Variants in PLEKHM3 observed in about 807,000 individuals in gnomAD.
PLEKHM3 encodes pleckstrin homology domain containing M3.
PLEKHM3 carries 45 observed loss-of-function variants against 81.8 expected under a neutral mutation model. The observed-to-expected ratio is 0.55, with a 90% CI of 0.43 to 0.71. The LOEUF (loss-of-function observed/expected upper bound fraction) is 0.71, where lower values mean the gene tolerates loss of function less well. Ranked by LOEUF, PLEKHM3 falls within the 30% of genes least tolerant of loss-of-function variation. The pLI, the probability that PLEKHM3 is intolerant of heterozygous loss-of-function variation, is 0.00. For synonymous variants in PLEKHM3, 352 were observed against 356.4 expected (o/e 0.99, Z 0.14); for missense variants, 788 against 924.3 (o/e 0.85, Z 1.91).
chr2:207,876,801 C>T (rs1323086048), intron 6 of PLEKHM3, among the ~76,000 whole-genome samples: 1 of 152,226 alleles, frequency 6.6e-6, no homozygotes, highest in African/African-American at 2.4e-5. Flanking sequence ...AGATTCAGGT[C>T]TGCTCCGCCA....
intron 7 of PLEKHM3, among the ~76,000 whole-genome samples, chr2:207,856,333 C>T (rs1336993871): frequency 3.3e-5 from 5 of 151,992 alleles, no homozygotes; most frequent in Non-Finnish European, 5.9e-5. Context: ...AACTAAAGTC[C>T]TCCATTTGAG....
chr2:207,848,810 T>A (rs942515744), intron 7 of PLEKHM3, among the ~76,000 whole-genome samples: 4 of 152,214 alleles, frequency 2.6e-5, no homozygotes, highest in Non-Finnish European at 4.4e-5. Context: ...GGGAGGAGTC[T>A]CCATGTTCTT....
intron 1 of PLEKHM3, among the ~76,000 whole-genome samples, chr2:208,020,182 A>C (rs1240331897): frequency 1.3e-5 from 2 of 152,250 alleles, no homozygotes; most frequent in South Asian, 4.1e-4. Context: ...AATGCGAGAC[A>C]GAAGAGCTTT....
chr2:207,847,801 C>T (rs1193772720), intron 7 of PLEKHM3, among the ~76,000 whole-genome samples: 3 of 152,174 alleles, frequency 2.0e-5, no homozygotes, highest in Admixed American at 2.0e-4. Context: ...CTGCAATACT[C>T]ACTGAGTGGC....
intron 5 of PLEKHM3, among the ~76,000 whole-genome samples, chr2:207,909,658 C>A (rs1363671258): frequency 6.6e-6 from 1 of 152,140 alleles, no homozygotes; most frequent in Non-Finnish European, 1.5e-5. Context: ...TGGATTCCAA[C>A]CCTGGCTGTC....
chr2:207,938,179 A>T (rs1466274972), intron 4 of PLEKHM3, among the ~76,000 whole-genome samples: 1 of 152,200 alleles, frequency 6.6e-6, no homozygotes, highest in Non-Finnish European at 1.5e-5. Context: ...TTTCCTTAAC[A>T]TCTCTTTGCT....
At chr2:207,991,435 A>T (rs1351435532) in intron 2 of PLEKHM3, among the ~76,000 whole-genome samples, 2 of 152,208 alleles carry the variant, frequency 1.3e-5, no homozygotes, top group Non-Finnish European at 2.9e-5. Flanking sequence ...TTGTTCAGGT[A>T]TGGGGGCAAT....
chr2:207,944,372 GT>G (rs1265818903), intron 4 of PLEKHM3, among the ~76,000 whole-genome samples: 3 of 152,206 alleles, frequency 2.0e-5, no homozygotes, highest in Non-Finnish European at 4.4e-5. Context: ...TGGCAAAACT[GT>G]GATGGAGACG....
At chr2:207,873,450 C>T (rs968324070) in intron 6 of PLEKHM3, among the ~76,000 whole-genome samples, 3 of 152,090 alleles carry the variant, frequency 2.0e-5, no homozygotes, top group East Asian at 1.9e-4. Flanking sequence ...GAAGATTGTA[C>T]GATTTTATAA....
chr2:207,880,590 C>T (rs2092583332), intron 6 of PLEKHM3, among the ~76,000 whole-genome samples: 1 of 148,092 alleles, frequency 6.8e-6, no homozygotes. Context: ...GGTGAAACCC[C>T]GTTTCTACTA....
chr2:207,970,523 T>C (rs1445690594), intron 3 of PLEKHM3, among the ~76,000 whole-genome samples: 1 of 152,184 alleles, frequency 6.6e-6, no homozygotes, highest in Non-Finnish European at 1.5e-5. Flanking sequence ...AGGGAATTTA[T>C]AACAAAAAAA....
intron 6 of PLEKHM3, among the ~76,000 whole-genome samples, chr2:207,903,698 T>C (rs1218569285): frequency 6.6e-6 from 1 of 152,236 alleles, no homozygotes; most frequent in Non-Finnish European, 1.5e-5. Context: ...CTAAGAACTC[T>C]TGACCATTTA....
chr2:207,976,581 A>C lies in PLEKHM3; in HGVS notation c.1546+70T>G. On this transcript the variant is annotated intron_variant, in intron 3 of 7. Transcript: ENST00000427836. The surrounding 1 kb of genome is among the most constrained non-coding windows in gnomAD (Gnocchi z 4.1). ...TGACTAGCCTATTAAGGGGATTTTT[A>C]AAGTGAATTCCAATTGTGGGGTTCA... 6.9e-7 allele frequency: 1 copy of C among 1,448,034 alleles called. No individual in the cohort carries two copies. The allele number at this position is 1,448,034 out of a possible 1,614,324, so 89.7% of individuals were successfully genotyped here.
At chr2:208,003,916 G>A (rs773976912) in intron 1 of PLEKHM3, among the ~76,000 whole-genome samples, 1 of 152,066 alleles carries the variant, frequency 6.6e-6, no homozygotes, top group Non-Finnish European at 1.5e-5. Context: ...TTATAAAGAA[G>A]GCACCAAGGT....
chr2:207,828,558 G>C (rs773797790), intron 7 of PLEKHM3, 62 bp from the exon 8 acceptor site: 111 of 1,531,356 alleles, frequency 7.2e-5, no homozygotes, highest in Non-Finnish European at 9.6e-5. Flanking sequence ...CAAATGGGAA[G>C]CCCTGTGGCC....
At chr2:207,954,468 AACAG>A (rs1454760006) in intron 3 of PLEKHM3, among the ~76,000 whole-genome samples, 6 of 152,214 alleles carry the variant, frequency 3.9e-5, no homozygotes, top group Non-Finnish European at 7.3e-5. Flanking sequence ...GAGAGACAAG[AACAG>A]ACAGATGCAT....
At chr2:207,881,026 C>T (rs1207135916) in intron 6 of PLEKHM3, among the ~76,000 whole-genome samples, 1 of 151,212 alleles carries the variant, frequency 6.6e-6, no homozygotes, top group Non-Finnish European at 1.5e-5. Context: ...AATATAGAAA[C>T]ACTCTGAATA....
intron 2 of PLEKHM3, among the ~76,000 whole-genome samples, chr2:207,989,963 G>C (rs1467883959): frequency 6.6e-6 from 1 of 152,222 alleles, no homozygotes; most frequent in Non-Finnish European, 1.5e-5. Flanking sequence ...ACCAGAATTA[G>C]TGCTCTTAGG....
intron 6 of PLEKHM3, among the ~76,000 whole-genome samples, chr2:207,896,912 A>G (rs1204154953): frequency 6.6e-6 from 1 of 152,226 alleles, no homozygotes; most frequent in South Asian, 2.1e-4. Flanking sequence ...TTACAGAAAG[A>G]CTGCTTTTTG....
Sources: allele counts gnomAD v4.1 joint callset (sites outside exome capture counted in the v4.1 genomes callset), GRCh38; gene constraint gnomAD v4.1.1; non-coding constraint Gnocchi (gnomAD v3.1); transcripts MANE v1.5; gene names NCBI Gene and HGNC (gene_info 2026-07-23, HGNC 2026-07-21).